Variants in RPH3A observed in about 807,000 individuals in gnomAD.
RPH3A encodes rabphilin-3A.
A neutral mutation model predicts 102.2 loss-of-function variants in RPH3A; 48 were observed. That is an observed-to-expected ratio of 0.47 (90% CI 0.37 to 0.60). The LOEUF (loss-of-function observed/expected upper bound fraction) is 0.60. Among genes scored for constraint, RPH3A ranks in the 20% least tolerant of loss-of-function variants. The pLI is 0.00. For synonymous variants in RPH3A, 310 were observed against 324.3 expected (o/e 0.96, Z 0.47); for missense variants, 781 against 910.1 (o/e 0.86, Z 1.83).
At chr12:112,580,394 CTTTTTTTTTTTTT>C (rs773931202) in intron 1 of RPH3A, among the ~76,000 whole-genome samples, 2 of 76,944 alleles carry the variant, frequency 2.6e-5, no homozygotes, top group East Asian at 5.4e-4. Context: ...TTTGTCTTGT[CTTTTTTTTTTTTT>C]TTTTTTTTTT....
Position 112,864,896 on chromosome 12 carries a change from G to A in RPH3A, c.231-518G>A, listed in dbSNP as rs561586640. ...TCATTGAATGTCAGGAGAGGAGGGG[G>A]TCAAGGAAGACCCCCCTGCCACGGG... On this transcript the variant is annotated intron_variant, in intron 5 of 21. Transcript: ENST00000389385. Among the ~76,000 whole-genome samples, 74 of 152,238 alleles carry A rather than the reference G, an allele frequency of 4.9e-4. 1 individual carries two copies. The highest frequency in any genetic ancestry group is 1.7e-3 in the African/African-American group (72 of 41,540).
At chr12:112,746,936 C>T (rs892557511) in intron 1 of RPH3A, among the ~76,000 whole-genome samples, 2 of 152,190 alleles carry the variant, frequency 1.3e-5, no homozygotes, top group African/African-American at 4.8e-5. Context: ...TTCTTCCACC[C>T]TCCCAGCCAT....
At chr12:112,855,567 C>T (rs1300625493) in intron 5 of RPH3A, among the ~76,000 whole-genome samples, 1 of 152,142 alleles carries the variant, frequency 6.6e-6, no homozygotes, top group Non-Finnish European at 1.5e-5. Context: ...ATCTAGGGCT[C>T]CCCAGGTGGT....
chr12:112,694,719 T>C (rs2040337365), intron 1 of RPH3A, among the ~76,000 whole-genome samples: 1 of 151,294 alleles, frequency 6.6e-6, no homozygotes, highest in African/African-American at 2.4e-5. Flanking sequence ...TTACTTGAAA[T>C]GGCCTCTTCT....
chr12:112,769,349 T>C (rs1311065569), intron 1 of RPH3A, among the ~76,000 whole-genome samples: 2 of 152,204 alleles, frequency 1.3e-5, no homozygotes, highest in Admixed American at 1.3e-4. Context: ...AATAGTTTCA[T>C]CTCACGTTGA....
chr12:112,875,622 C>T, intron 11 of RPH3A, 57 bp from the exon 12 acceptor site: 1 of 1,452,966 alleles, frequency 6.9e-7, no homozygotes, highest in Non-Finnish European at 9.7e-7. Flanking sequence ...AAAGGTGAAC[C>T]CCCAAATGAT....
At chr12:112,882,065 G>T (rs2042923639) in intron 15 of RPH3A, among the ~76,000 whole-genome samples, 1 of 152,166 alleles carries the variant, frequency 6.6e-6, no homozygotes, top group South Asian at 2.1e-4. Flanking sequence ...TCAGAAACCT[G>T]GGATCTGGGC....
At chr12:112,807,753 T>C (rs1308588274) in intron 2 of RPH3A, among the ~76,000 whole-genome samples, 2 of 152,166 alleles carry the variant, frequency 1.3e-5, no homozygotes, top group Non-Finnish European at 2.9e-5. Context: ...GTTAGTCCTT[T>C]GCACCTTCTG....
chr12:112,723,558 C>A (rs1253660080), intron 1 of RPH3A, among the ~76,000 whole-genome samples: 3 of 152,190 alleles, frequency 2.0e-5, no homozygotes, highest in Admixed American at 2.0e-4. Context: ...TTCTTGGGAG[C>A]ACTTCCAACA....
chr12:112,879,014 T>C (rs1014825179), intron 13 of RPH3A, 105 bp from the exon 14 acceptor site: 32 of 981,760 alleles, frequency 3.3e-5, no homozygotes, highest in Non-Finnish European at 3.7e-5. Context: ...TTCTCTTCTG[T>C]GGTCTCAATT....
intron 1 of RPH3A, among the ~76,000 whole-genome samples, chr12:112,678,108 A>G (rs2040194230): frequency 6.6e-6 from 1 of 151,784 alleles, no homozygotes; most frequent in Non-Finnish European, 1.5e-5. Flanking sequence ...GAGGCAGGAG[A>G]ATCACTTGAA....
intron 1 of RPH3A, among the ~76,000 whole-genome samples, chr12:112,666,431 C>G (rs957329360): frequency 3.3e-5 from 5 of 152,014 alleles, no homozygotes; most frequent in African/African-American, 1.2e-4. Context: ...CTGTGCCTCC[C>G]AGCTCTGACA....
chr12:112,602,647 G>A (rs1335866239), intron 1 of RPH3A, among the ~76,000 whole-genome samples: 1 of 152,158 alleles, frequency 6.6e-6, no homozygotes, highest in Admixed American at 6.5e-5. Context: ...AAATTAACCA[G>A]GCGTGGTGGT....
At chr12:112,812,228 A>G (rs757157722) in intron 2 of RPH3A, among the ~76,000 whole-genome samples, 4 of 152,134 alleles carry the variant, frequency 2.6e-5, no homozygotes, top group Non-Finnish European at 5.9e-5. Flanking sequence ...CTAAGAATTG[A>G]GGCCAGCCCC....
intron 4 of RPH3A, among the ~76,000 whole-genome samples, chr12:112,837,137 T>G (rs2042064824): frequency 6.6e-6 from 1 of 152,148 alleles, no homozygotes; most frequent in African/African-American, 2.4e-5. Context: ...ATTCAGAAAC[T>G]ATGGAAAGTC....
chr12:112,863,319 TTTG>T (rs1450461487), intron 5 of RPH3A, among the ~76,000 whole-genome samples: 2 of 152,112 alleles, frequency 1.3e-5, no homozygotes, highest in Non-Finnish European at 2.9e-5. Context: ...TCTAGGGGGT[TTTG>T]TTGTTGTTTT....
At chr12:112,582,324 C>T (rs1432524706) in intron 1 of RPH3A, among the ~76,000 whole-genome samples, 1 of 147,428 alleles carries the variant, frequency 6.8e-6, no homozygotes, top group South Asian at 2.6e-4. Flanking sequence ...TAGCTCACTG[C>T]AGCCTCCAGC....
intron 1 of RPH3A, among the ~76,000 whole-genome samples, chr12:112,763,433 C>T (rs2040867760): frequency 1.3e-5 from 2 of 152,196 alleles, no homozygotes; most frequent in African/African-American, 2.4e-5. Flanking sequence ...TCAATCGATA[C>T]ATGTGAGATG....
At chr12:112,766,074 C>T (rs927514953) in intron 1 of RPH3A, among the ~76,000 whole-genome samples, 1 of 151,974 alleles carries the variant, frequency 6.6e-6, no homozygotes, top group African/African-American at 2.4e-5. Context: ...TCATGGCACC[C>T]CCAAATGCCA....
Sources: allele counts gnomAD v4.1 joint callset (sites outside exome capture counted in the v4.1 genomes callset), GRCh38; gene constraint gnomAD v4.1.1; transcripts MANE v1.5; gene names NCBI Gene and HGNC (gene_info 2026-07-23, HGNC 2026-07-21).